The following TMEM74B variants were observed in gnomAD, a reference collection of about 807,000 sequenced individuals.
TMEM74B encodes the protein transmembrane protein C20orf46.
Under a neutral mutation model 6.5 loss-of-function variants are expected in TMEM74B, and 7 were observed. The ratio of observed to expected loss-of-function variants is 1.07; its 90% CI spans 0.61 to 2.01. The LOEUF (loss-of-function observed/expected upper bound fraction) is 2.01, where lower values mean the gene tolerates loss of function less well. TMEM74B is among the 30% of genes most tolerant of loss of function. TMEM74B has a pLI of 0.00. For missense variants in TMEM74B, 342 were observed against 337.0 expected (o/e 1.01, Z -0.12); for synonymous variants, 151 against 151.6 (o/e 1.00, Z 0.03).
At chr20:1,183,336 A>C (rs555575964) in intron 2 of TMEM74B, among the ~76,000 whole-genome samples, 8 of 141,502 alleles carry the variant, frequency 5.7e-5, no homozygotes, top group African/African-American at 1.7e-4. Flanking sequence ...GTGTGTGTGT[A>C]AATATGAGCA....
At chr20:1,187,066 T>G (rs544925380), upstream of TMEM74B, among the ~76,000 whole-genome samples, 9 of 152,328 alleles carry the variant, frequency 5.9e-5, no homozygotes, top group East Asian at 1.2e-3. Context: ...CGCTGGCTGT[T>G]CCTTCTGCCT....
chr20:1,180,828 C>T lies in TMEM74B; in HGVS notation c.*20G>A. The T allele has an allele frequency of 6.5e-7, 1 of 1,544,504 alleles. No homozygotes were observed. The highest frequency in any genetic ancestry group is 8.7e-7 in the Non-Finnish European group (1 of 1,143,690). On this transcript the variant is annotated 3_prime_UTR_variant, in exon 3 of 3. Coordinates refer to ENST00000429036, the MANE Select transcript of TMEM74B (RefSeq NM_001304748.2). The surrounding 1 kb of genome is among the most constrained non-coding windows in gnomAD (Gnocchi z 6.1). ...CTTGTAGCACTGGAGCTAAAGCAGC[C>T]AGATAAGGTGGGCTAGTTCTTAAGA... is the stretch of plus-strand genomic sequence containing the variant.
At position 1,180,700 on chromosome 20, in the gene TMEM74B, C is replaced by T; in HGVS notation, c.*148G>A. On this transcript the variant is annotated 3_prime_UTR_variant, in exon 3 of 3. Coordinates refer to ENST00000429036, the MANE Select transcript of TMEM74B (RefSeq NM_001304748.2). The surrounding 1 kb of genome is among the most constrained non-coding windows in gnomAD (Gnocchi z 6.1). ...TGGGGCATGGGCTGGGCCCCGAGCT[C>T]TCCCTCCAGCACCCAGTACTTCTTC... The T allele has an allele frequency of 8.7e-7, 1 of 1,145,848 alleles. No individual in the cohort carries two copies. Among genetic ancestry groups the T allele is most frequent in the Non-Finnish European group, 1.2e-6 (1 of 854,526 alleles). The allele number at this position is 1,145,848 out of a possible 1,614,324, so 71.0% of individuals were successfully genotyped here. A position where few individuals can be genotyped will look rare whatever the true frequency, so the allele number is the denominator to read the frequency against.
chr20:1,180,740 T>G lies in TMEM74B; in HGVS notation c.*108A>C. 6.0e-5 allele frequency: 88 copies of G among 1,454,778 alleles called. No homozygotes were observed. Among genetic ancestry groups the G allele is most frequent in the Non-Finnish European group, 7.7e-5 (84 of 1,090,368 alleles). 90.1% of individuals were successfully genotyped at this position (1,454,778 alleles called of 1,614,324 possible). ...AGTACTTCTTCCACAAGGCCCTATG[T>G]GAGCTCAGTTTAAAACCCCAGGGCC... On this transcript the variant is annotated 3_prime_UTR_variant, in exon 3 of 3. Coordinates refer to ENST00000429036, the MANE Select transcript of TMEM74B (RefSeq NM_001304748.2). The surrounding 1 kb of genome is among the most constrained non-coding windows in gnomAD (Gnocchi z 6.1).
chr20:1,181,850 T>TA lies in TMEM74B; in HGVS notation c.32-264dup, dbSNP rs2086879477. ...TTCAGTTTCCCCACCTATAAAATAATACTACTACTACCCTCTAGTTCGCAA... is the reference window on the plus strand; with the variant it reads ...TTCAGTTTCCCCACCTATAAAATAATAACTACTACTACCCTCTAGTTCGCAA... On this transcript the variant is annotated intron_variant, in intron 2 of 2. Coordinates refer to ENST00000429036, the MANE Select transcript of TMEM74B (RefSeq NM_001304748.2). This position sits in a 1 kb window ranked among gnomAD's most constrained non-coding sequence, Gnocchi z 4.9. Among the ~76,000 whole-genome samples, 1 of 151,382 alleles carries TA rather than the reference T, an allele frequency of 6.6e-6. No individual in the cohort carries two copies. Among genetic ancestry groups the TA allele is most frequent in the South Asian group, 2.1e-4 (1 of 4,834 alleles).
In TMEM74B at chr20:1,183,290, C is replaced by CTGTGTGTGTGTGTG. The variant is rs142394583; in HGVS notation, c.31+467_31+480dup. On this transcript the variant is annotated intron_variant, in intron 2 of 2. Transcript: ENST00000429036. ...TCTCCAGTGCACTGTGGTTCGTTCT[C>CTGTGTGTGTGTGTG]TGTGTGTGTGTGTGTGTGTGTGTGT... 2.3e-3 allele frequency among the ~76,000 whole-genome samples: 340 copies of CTGTGTGTGTGTGTG among 149,298 alleles called. 5 individuals carry two copies. Among genetic ancestry groups the CTGTGTGTGTGTGTG allele is most frequent in the South Asian group, 0.017 (78 of 4,680 alleles).
In TMEM74B at chr20:1,183,672, C is replaced by CT. The variant is rs1043745688; in HGVS notation, c.31+98dup. 2.1e-6 allele frequency: 3 copies of CT among 1,456,854 alleles called. No individual in the cohort carries two copies. In the African/African-American group the frequency reaches 4.2e-5, roughly 20 times the overall value. The allele number at this position is 1,456,854 out of a possible 1,614,324, so 90.2% of individuals were successfully genotyped here. Reference sequence around the variant, plus strand: ...GCCCCACGATCCGGAATTACTGTCTCTATTTCATAAAACATGGCCAAGATC... The same window carrying CT: ...GCCCCACGATCCGGAATTACTGTCTCTTATTTCATAAAACATGGCCAAGATC... On this transcript the variant is annotated intron_variant, in intron 2 of 2. Transcript: ENST00000429036.
upstream of TMEM74B, among the ~76,000 whole-genome samples, chr20:1,188,640 T>A (rs1490494368): frequency 7.1e-6 from 1 of 140,166 alleles, no homozygotes; most frequent in African/African-American, 2.7e-5. Context: ...ATACACTACC[T>A]ACACACACCA....
intron 2 of TMEM74B, among the ~76,000 whole-genome samples, chr20:1,183,180 C>T (rs1371737122): frequency 6.6e-6 from 1 of 152,210 alleles, no homozygotes; most frequent in East Asian, 1.9e-4. Context: ...CCACCAGGTG[C>T]AGAGTGGCTC....
chr20:1,182,541 A>AAAAC (rs1234309425), intron 2 of TMEM74B, among the ~76,000 whole-genome samples: 12 of 152,146 alleles, frequency 7.9e-5, no homozygotes, highest in Non-Finnish European at 1.5e-4. Flanking sequence ...TGGCATGGCT[A>AAAAC]AAAGGGCCAA....
In TMEM74B at chr20:1,181,421, TGAG is replaced by T; in HGVS notation, c.195_197del (p.Ser66del). 6.6e-7 allele frequency: 1 copy of T among 1,520,794 alleles called. No individual in the cohort carries two copies. The highest frequency in any genetic ancestry group is 1.3e-5 in the South Asian group (1 of 75,690). The allele number at this position is 1,520,794 out of a possible 1,614,324, so 94.2% of individuals were successfully genotyped here. A position where few individuals can be genotyped will look rare whatever the true frequency, so the allele number is the denominator to read the frequency against. The stretch of plus-strand genomic sequence containing the variant: ...TCTGGAAATGGGTCTCATGCTCCTC[TGAG>T]GAGAAGCAGGCATTCTCCACACCCT... On this transcript the variant is annotated inframe_deletion, in exon 3 of 3. Coordinates refer to ENST00000429036, the MANE Select transcript of TMEM74B (RefSeq NM_001304748.2). The surrounding 1 kb of genome is among the most constrained non-coding windows in gnomAD (Gnocchi z 4.9).
intron 2 of TMEM74B, among the ~76,000 whole-genome samples, chr20:1,183,034 C>T (rs1177594185): frequency 6.6e-6 from 1 of 152,172 alleles, no homozygotes; most frequent in Non-Finnish European, 1.5e-5. Context: ...CCGACAGGTC[C>T]CACCTCAGCC....
intron 2 of TMEM74B, among the ~76,000 whole-genome samples, chr20:1,183,320 G>A (rs562509686): frequency 7.0e-6 from 1 of 143,710 alleles, no homozygotes; most frequent in Non-Finnish European, 1.5e-5. Context: ...GTGTGTTTGT[G>A]TGTGTGTGTG....
upstream of TMEM74B, among the ~76,000 whole-genome samples, chr20:1,185,754 G>GC (rs1164533319): frequency 6.6e-6 from 1 of 151,986 alleles, no homozygotes; most frequent in Non-Finnish European, 1.5e-5. Context: ...CCACCGGAGA[G>GC]CCCCTATTGC....
chr20:1,186,996 C>T (rs1379033804), upstream of TMEM74B, among the ~76,000 whole-genome samples: 2 of 152,164 alleles, frequency 1.3e-5, no homozygotes, highest in African/African-American at 2.4e-5. Flanking sequence ...GATGAGATAC[C>T]GCCTTTAAAG....
At chr20:1,182,654 G>C (rs1185959743) in intron 2 of TMEM74B, among the ~76,000 whole-genome samples, 2 of 152,102 alleles carry the variant, frequency 1.3e-5, no homozygotes, top group African/African-American at 2.4e-5. Flanking sequence ...GGGGAACCGG[G>C]AGGGAGAGGC....
At chr20:1,183,668 GTC>G (rs1486828431) in intron 2 of TMEM74B, 101 bp downstream of exon 2, 75 of 1,417,862 alleles carry the variant, frequency 5.3e-5, no homozygotes, top group Non-Finnish European at 6.9e-5. Context: ...CGGAATTACT[GTC>G]TCTATTTCAT....
intron 2 of TMEM74B, among the ~76,000 whole-genome samples, chr20:1,182,065 A>T (rs912312713): frequency 6.6e-6 from 1 of 152,112 alleles, no homozygotes; most frequent in Non-Finnish European, 1.5e-5. Context: ...TTATCTATAA[A>T]ATGGTAATGA....
chr20:1,183,743 T>A (rs1334681731), intron 2 of TMEM74B, 28 bp downstream of exon 2: 2 of 1,613,418 alleles, frequency 1.2e-6, no homozygotes, highest in East Asian at 2.2e-5. Flanking sequence ...GAATGCAGAT[T>A]CCCTAAGAAT....
Sources: gnomAD v4.1 joint callset for allele counts (sites outside exome capture counted in the v4.1 genomes callset) on GRCh38, gnomAD v4.1.1 for gene constraint, Gnocchi (gnomAD v3.1) non-coding constraint, MANE v1.5 for transcripts, NCBI Gene and HGNC (gene_info 2026-07-23, HGNC 2026-07-21) for gene names.